The following SCUBE2 variants were observed in gnomAD, a reference collection of about 807,000 sequenced individuals.
SCUBE2 encodes the protein signal peptide, CUB and EGF-like domain-containing protein 2.
In SCUBE2, 114 loss-of-function variants were observed where a neutral mutation model predicts 125.9. The observed-to-expected ratio is 0.91, with a 90% CI of 0.78 to 1.06. The LOEUF (loss-of-function observed/expected upper bound fraction) is 1.06. Ranked by LOEUF, SCUBE2 falls within the 50% of genes least tolerant of loss-of-function variation. The pLI, the probability that SCUBE2 is intolerant of heterozygous loss-of-function variation, is 0.00. For missense variants in SCUBE2, 1,255 were observed against 1,301.8 expected, an observed-to-expected ratio of 0.96 and a Z score of 0.55; for synonymous variants, 459 against 492.9, an observed-to-expected ratio of 0.93 and a Z score of 0.91.
At chr11:9,088,091 A>G (rs1862269050) in intron 2 of SCUBE2, among the ~76,000 whole-genome samples, 1 of 152,238 alleles carries the variant, frequency 6.6e-6, no homozygotes, top group Non-Finnish European at 1.5e-5. Flanking sequence ...AATATTTAGA[A>G]TCTTTATTAC....
chr11:9,055,269 T>C (rs1858966807), intron 10 of SCUBE2, among the ~76,000 whole-genome samples: 1 of 152,180 alleles, frequency 6.6e-6, no homozygotes, highest in Admixed American at 6.5e-5. Context: ...CATGAGGTTA[T>C]GAGACATGAG....
At chr11:9,082,970 C>A (rs2135947138) in intron 2 of SCUBE2, among the ~76,000 whole-genome samples, 1 of 123,112 alleles carries the variant, frequency 8.1e-6, no homozygotes, top group Admixed American at 8.5e-5. Flanking sequence ...ATGTTAATTA[C>A]ACCTCAGTAA....
intron 2 of SCUBE2, among the ~76,000 whole-genome samples, chr11:9,083,139 T>C (rs1861778331): frequency 6.6e-6 from 1 of 151,798 alleles, no homozygotes; most frequent in Admixed American, 6.6e-5. Context: ...ATTAATTGTA[T>C]ACATACAATT....
At chr11:9,085,856 A>G (rs1325112869) in intron 2 of SCUBE2, among the ~76,000 whole-genome samples, 1 of 148,854 alleles carries the variant, frequency 6.7e-6, no homozygotes, top group Non-Finnish European at 1.5e-5. Context: ...TTTAAGACAG[A>G]GTGTCTTGCT....
rs1346898578 is a variant in SCUBE2 at position 9,059,412 on chromosome 11, G to A, written c.981C>T (p.Cys327=). The change falls in exon 9 of 23, where the codon TGC becomes TGT. Residue 327 remains cysteine (C), a synonymous_variant. Transcript: ENST00000649792. ...DGKTCKDIDE[C]QTRNGGCDHF... Reference sequence around the variant, plus strand: ...GATCACAACCTCCATTGCGGGTCTGGCACTCATCAATATCTGCAACAGGAA... The same window carrying A: ...GATCACAACCTCCATTGCGGGTCTGACACTCATCAATATCTGCAACAGGAA... 7 of 1,613,942 alleles carry A rather than the reference G, an allele frequency of 4.3e-6. No individual in the cohort carries two copies. The highest frequency in any genetic ancestry group is 1.7e-5 in the Admixed American group (1 of 60,006).
chr11:9,075,027 C>T (rs540084638), intron 3 of SCUBE2, among the ~76,000 whole-genome samples: 1 of 152,086 alleles, frequency 6.6e-6, no homozygotes, highest in African/African-American at 2.4e-5. Context: ...ACCAGCCTGG[C>T]CAACATGGTG....
chr11:9,054,745 T>TTTTTTTTTTTTTC (rs1350882447), intron 10 of SCUBE2, among the ~76,000 whole-genome samples: 7 of 110,456 alleles, frequency 6.3e-5, no homozygotes, highest in Non-Finnish European at 1.3e-4. Context: ...TTTTTTTTTT[T>TTTTTTTTTTTTTC]TTTTTTTCAG....
intron 9 of SCUBE2, among the ~76,000 whole-genome samples, chr11:9,058,595 C>CAAAAAAAAAAAAAAA (rs61409328): frequency 2.3e-5 from 1 of 44,300 alleles, no homozygotes; most frequent in African/African-American, 8.5e-5. Context: ...GACTCTGTCT[C>CAAAAAAAAAAAAAAA]AAAAAAAAAA....
intron 2 of SCUBE2, among the ~76,000 whole-genome samples, chr11:9,079,811 T>C (rs1316953464): frequency 1.3e-5 from 2 of 152,162 alleles, no homozygotes; most frequent in Admixed American, 6.5e-5. Flanking sequence ...GTGAACTGAT[T>C]TGGAGTAATT....
At chr11:9,045,980 C>G (rs907944557) in intron 16 of SCUBE2, among the ~76,000 whole-genome samples, 19 of 151,664 alleles carry the variant, frequency 1.3e-4, no homozygotes, top group Non-Finnish European at 2.1e-4. Context: ...TACACAAACC[C>G]TCTACTGAGT....
intron 16 of SCUBE2, among the ~76,000 whole-genome samples, chr11:9,037,961 A>G (rs1267428740): frequency 6.6e-6 from 1 of 152,092 alleles, no homozygotes; most frequent in African/African-American, 2.4e-5. Context: ...TATTTCTCCA[A>G]AGATTTGCCC....
chr11:9,074,298 G>A (rs916631086), intron 4 of SCUBE2, among the ~76,000 whole-genome samples, 183 bp downstream of exon 4: 2 of 152,200 alleles, frequency 1.3e-5, no homozygotes, highest in African/African-American at 4.8e-5. Flanking sequence ...ATTTTGCCAG[G>A]TGAGGAAGTT....
chr11:9,027,148 G>A (rs1429660763), intron 20 of SCUBE2: 2 of 573,444 alleles, frequency 3.5e-6, no homozygotes, highest in African/African-American at 1.9e-5. Flanking sequence ...GGGGAAGACT[G>A]ACCTGCAGGA....
At chr11:9,080,428 G>A (rs1861538227) in intron 2 of SCUBE2, among the ~76,000 whole-genome samples, 1 of 152,126 alleles carries the variant, frequency 6.6e-6, no homozygotes, top group Non-Finnish European at 1.5e-5. Context: ...TGAGCCAGGA[G>A]GATCAATTGA....
chr11:9,054,699 GTGTA>G (rs148570911), intron 10 of SCUBE2, among the ~76,000 whole-genome samples: 2,470 of 44,602 alleles, frequency 0.055, 319 homozygotes, highest in East Asian at 0.17. Context: ...CAAAGCACTA[GTGTA>G]TATATATATA....
intron 16 of SCUBE2, among the ~76,000 whole-genome samples, chr11:9,038,913 G>C (rs1856972165): frequency 6.7e-6 from 1 of 149,020 alleles, no homozygotes; most frequent in African/African-American, 2.5e-5. Context: ...TTTTCGTTTA[G>C]GAGACAGGGT....
chr11:9,062,767 A>AG (rs1381714148), intron 7 of SCUBE2, among the ~76,000 whole-genome samples: 1 of 152,098 alleles, frequency 6.6e-6, no homozygotes, highest in Admixed American at 6.6e-5. Flanking sequence ...AAAGATTAGA[A>AG]GAAAAAAATG....
chr11:9,088,172 C>A (rs1862279429), intron 2 of SCUBE2, among the ~76,000 whole-genome samples: 1 of 152,190 alleles, frequency 6.6e-6, no homozygotes, highest in African/African-American at 2.4e-5. Flanking sequence ...TAAATGGCAC[C>A]AGAATAGACA....
intron 18 of SCUBE2, 136 bp downstream of exon 18, chr11:9,030,622 C>T (rs924508457): frequency 5.9e-6 from 5 of 850,284 alleles, no homozygotes; most frequent in Non-Finnish European, 9.3e-6. Flanking sequence ...CCTGCTGGGG[C>T]GAGTGGAGCT....
Sources: allele counts gnomAD v4.1 joint callset (sites outside exome capture counted in the v4.1 genomes callset), GRCh38; gene constraint gnomAD v4.1.1; transcripts MANE v1.5; gene names NCBI Gene and HGNC (gene_info 2026-07-23, HGNC 2026-07-21).